TAF4: variants seen among roughly 807,000 people sequenced by gnomAD.
TAF4 encodes the protein transcription initiation factor TFIID subunit 4.
A neutral mutation model predicts 90.3 loss-of-function variants in TAF4; 9 were observed. That is an observed-to-expected ratio of 0.10 (90% CI 0.06 to 0.17). The LOEUF is 0.17. Ranked by LOEUF, TAF4 falls within the 10% of genes least tolerant of loss-of-function variation. The pLI is 1.00. For synonymous variants in TAF4, 818 were observed against 638.9 expected (o/e 1.28, Z -4.23); for missense variants, 1,351 against 1,370.7 (o/e 0.99, Z 0.23).
chr20:62,000,251 T>C lies in TAF4; in HGVS notation c.2660A>G (p.Lys887Arg), dbSNP rs746515159. 2.0e-5 allele frequency: 32 copies of C among 1,613,498 alleles called. No individual in the cohort carries two copies. The highest frequency in any genetic ancestry group is 5.0e-5 in the Admixed American group (3 of 59,962). The change falls in exon 11 of 15, where the codon AAA (lysine) becomes AGA (arginine). Residue 887 changes from lysine (K) to arginine (R), a missense_variant. By Grantham distance (26) the Lys-to-Arg change is conservative. Coordinates refer to ENST00000252996, the MANE Select transcript of TAF4 (RefSeq NM_003185.4). ...PLQRRILEIG[K>R]KHGITELHPD... Reference sequence around the variant, plus strand: ...ATGTAATTCCGTTATACCATGTTTTTTACCTAAAGGTCAGGCAAGAAAAAC... The same window carrying C: ...ATGTAATTCCGTTATACCATGTTTTCTACCTAAAGGTCAGGCAAGAAAAAC...
intron 1 of TAF4, among the ~76,000 whole-genome samples, chr20:62,042,874 A>G (rs897644636): frequency 1.5e-4 from 20 of 130,788 alleles, no homozygotes; most frequent in African/African-American, 5.8e-4. Context: ...TGACGGCTCC[A>G]TGTGTGTTAC....
chr20:61,979,771 G>A (rs1327941789), intron 14 of TAF4, among the ~76,000 whole-genome samples: 1 of 147,366 alleles, frequency 6.8e-6, no homozygotes, highest in African/African-American at 2.5e-5. Context: ...CAGGCGCCGT[G>A]GCCACTCCAG....
chr20:62,021,534 C>T (rs2055843080), intron 1 of TAF4, among the ~76,000 whole-genome samples: 2 of 152,234 alleles, frequency 1.3e-5, no homozygotes, highest in Admixed American at 6.5e-5. Flanking sequence ...GGGCCGTGCG[C>T]GCCCAACGCG....
At chr20:62,026,027 C>CAG (rs1228173985) in intron 1 of TAF4, among the ~76,000 whole-genome samples, 1 of 152,180 alleles carries the variant, frequency 6.6e-6, no homozygotes, top group Non-Finnish European at 1.5e-5. Flanking sequence ...AAAACACACG[C>CAG]AGAGAGCCCT....
intron 1 of TAF4, among the ~76,000 whole-genome samples, chr20:62,044,166 G>A (rs1472660656): frequency 6.6e-6 from 1 of 152,148 alleles, no homozygotes; most frequent in Non-Finnish European, 1.5e-5. Flanking sequence ...AAGTTTTAGT[G>A]CTTGAATTAT....
chr20:62,023,073 C>T (rs549154817), intron 1 of TAF4, among the ~76,000 whole-genome samples: 19 of 152,346 alleles, frequency 1.2e-4, no homozygotes, highest in African/African-American at 3.1e-4. Flanking sequence ...CAGCAGCCTC[C>T]TGTGTAGAAA....
At chr20:62,018,136 G>A (rs1415234458) in intron 1 of TAF4, among the ~76,000 whole-genome samples, 3 of 152,318 alleles carry the variant, frequency 2.0e-5, no homozygotes, top group South Asian at 2.1e-4. Flanking sequence ...TGAACCAAGC[G>A]CGAGTGGCCA....
chr20:61,977,664 T>C (rs919773892), intron 14 of TAF4, among the ~76,000 whole-genome samples: 6 of 152,218 alleles, frequency 3.9e-5, no homozygotes, highest in Non-Finnish European at 7.3e-5. Context: ...CGCCCTGCGC[T>C]GTGAGGGCCC....
chr20:61,981,489 T>C (rs2055540745), intron 14 of TAF4: 1 of 152,132 alleles, frequency 6.6e-6, no homozygotes, highest in South Asian at 2.1e-4. Context: ...AAGAGTTGAC[T>C]GGACTTAAGA....
intron 14 of TAF4, among the ~76,000 whole-genome samples, chr20:61,982,227 CACTGAGAGGAAACACCAAACCCACACCT>C (rs2055550717): frequency 1.0e-3 from 8 of 7,816 alleles, no homozygotes; most frequent in South Asian, 9.8e-3. Context: ...AACCCACACC[CACTGAGAGGAAACACCAAACCCACACCT>C]ACCTGAGAGG....
intron 1 of TAF4, among the ~76,000 whole-genome samples, chr20:62,053,148 G>T (rs900047712): frequency 6.6e-6 from 1 of 152,158 alleles, no homozygotes; most frequent in African/African-American, 2.4e-5. Context: ...GGCCCACAGA[G>T]CACCCGAAAG....
chr20:62,059,581 G>A (rs538839192), intron 1 of TAF4, among the ~76,000 whole-genome samples: 123 of 152,300 alleles, frequency 8.1e-4, no homozygotes, highest in African/African-American at 2.7e-3. Flanking sequence ...CACAGCACTC[G>A]GCACAGAAGG....
intron 1 of TAF4, among the ~76,000 whole-genome samples, chr20:62,027,294 C>T (rs1373063596): frequency 6.6e-6 from 1 of 152,196 alleles, no homozygotes; most frequent in Non-Finnish European, 1.5e-5. Context: ...CCTAAACGGG[C>T]ACTGTGACTG....
intron 1 of TAF4, among the ~76,000 whole-genome samples, chr20:62,024,319 C>A (rs1223276533): frequency 6.6e-6 from 1 of 152,186 alleles, no homozygotes; most frequent in Non-Finnish European, 1.5e-5. Context: ...AAACCTAAAA[C>A]TTCCAGAAGA....
chr20:61,979,788 T>C (rs1446494826), intron 14 of TAF4, among the ~76,000 whole-genome samples: 25 of 145,926 alleles, frequency 1.7e-4, no homozygotes, highest in Non-Finnish European at 3.3e-4. Flanking sequence ...CCAGAGGGAC[T>C]GCGGCATGTG....
At chr20:62,046,073 C>G (rs1185744282) in intron 1 of TAF4, among the ~76,000 whole-genome samples, 1 of 152,224 alleles carries the variant, frequency 6.6e-6, no homozygotes, top group South Asian at 2.1e-4. Flanking sequence ...GCGGTGCCCC[C>G]GTGCAGCAGA....
intron 2 of TAF4, among the ~76,000 whole-genome samples, chr20:62,014,044 GTATGTGTGTGT>G (rs2055798447): frequency 1.5e-5 from 2 of 131,230 alleles, no homozygotes; most frequent in African/African-American, 7.7e-5. Flanking sequence ...GTGTGTGTGT[GTATGTGTGTGT>G]GTGTGTGTGT....
intron 3 of TAF4, chr20:62,012,058 G>A (rs2055782028): frequency 6.6e-6 from 1 of 152,232 alleles, no homozygotes; most frequent in Admixed American, 6.5e-5. Context: ...CAGGCCAAAG[G>A]CTGAGCTGTC....
At chr20:62,029,400 C>A (rs1264713057) in intron 1 of TAF4, among the ~76,000 whole-genome samples, 1 of 152,116 alleles carries the variant, frequency 6.6e-6, no homozygotes, top group Non-Finnish European at 1.5e-5. Flanking sequence ...CAGTGGGACT[C>A]CTGGTAAACT....
Sources: allele counts gnomAD v4.1 joint callset (sites outside exome capture counted in the v4.1 genomes callset), GRCh38; gene constraint gnomAD v4.1.1; transcripts MANE v1.5; gene names NCBI Gene and HGNC (gene_info 2026-07-23, HGNC 2026-07-21).